KMT2C: variants seen among roughly 807,000 people sequenced by gnomAD.
KMT2C encodes lysine methyltransferase 2C.
Under a neutral mutation model 507.9 loss-of-function variants are expected in KMT2C, and 88 were observed. The observed-to-expected ratio is 0.17, with a 90% CI of 0.15 to 0.21. The LOEUF (loss-of-function observed/expected upper bound fraction) is 0.21, where lower values mean the gene tolerates loss of function less well. Among genes scored for constraint, KMT2C ranks in the 10% least tolerant of loss-of-function variants. The pLI is 1.00. For synonymous variants in KMT2C, 2,049 were observed against 2,080.8 expected, an observed-to-expected ratio of 0.98 and a Z score of 0.42; for missense variants, 4,954 against 5,957.8, an observed-to-expected ratio of 0.83 and a Z score of 5.55.
At chr7:152,390,808 A>G (rs1294385440) in intron 1 of KMT2C, among the ~76,000 whole-genome samples, 1 of 152,174 alleles carries the variant, frequency 6.6e-6, no homozygotes, top group Non-Finnish European at 1.5e-5. Flanking sequence ...CCAGATGTAT[A>G]AGATAGAGCC....
At chr7:152,274,146 TAA>T (rs2096030615) in intron 6 of KMT2C, among the ~76,000 whole-genome samples, 1 of 151,516 alleles carries the variant, frequency 6.6e-6, no homozygotes, top group Non-Finnish European at 1.5e-5. Flanking sequence ...AAACAAAACC[TAA>T]AGATTTTTTT....
intron 6 of KMT2C, among the ~76,000 whole-genome samples, chr7:152,294,752 T>G (rs2096473326): frequency 6.6e-6 from 1 of 152,234 alleles, no homozygotes; most frequent in African/African-American, 2.4e-5. Context: ...TGAGAGGCAT[T>G]TGAGATTATT....
intron 9 of KMT2C, among the ~76,000 whole-genome samples, chr7:152,253,711 G>C (rs1021987848): frequency 1.3e-5 from 2 of 151,760 alleles, no homozygotes; most frequent in African/African-American, 4.8e-5. Flanking sequence ...CACAGAGCAC[G>C]GTCAACGCCA....
chr7:152,258,679 T>C (rs201199664), intron 9 of KMT2C, among the ~76,000 whole-genome samples: 1 of 152,062 alleles, frequency 6.6e-6, no homozygotes, highest in South Asian at 2.1e-4. Context: ...GCACCCACTA[T>C]CATGCCTGGC....
intron 2 of KMT2C, among the ~76,000 whole-genome samples, chr7:152,357,999 C>T (rs2097166433): frequency 1.3e-5 from 2 of 152,254 alleles, no homozygotes; most frequent in African/African-American, 4.8e-5. Flanking sequence ...CTACAGGTAT[C>T]CTCTCAATAC....
intron 18 of KMT2C, among the ~76,000 whole-genome samples, chr7:152,225,318 G>C (rs2094894017): frequency 6.6e-6 from 1 of 151,936 alleles, no homozygotes; most frequent in South Asian, 2.1e-4. Flanking sequence ...AAGTAATGAG[G>C]GTACAGAATA....
chr7:152,285,806 G>A (rs988883526), intron 6 of KMT2C, among the ~76,000 whole-genome samples: 47 of 152,290 alleles, frequency 3.1e-4, no homozygotes, highest in Admixed American at 1.1e-3. Flanking sequence ...CCAACATGGC[G>A]AAACCCCATC....
Position 152,228,014 on chromosome 7 carries a change from G to A in KMT2C, c.2976+1909C>T, listed in dbSNP as rs62481496. Reference sequence around the variant, plus strand: ...TGGTCTAGGGAACCCCAGTGAGTCTGTAAAGTTAAAACAAGTTTAAATAAT... The same window carrying A: ...TGGTCTAGGGAACCCCAGTGAGTCTATAAAGTTAAAACAAGTTTAAATAAT... On this transcript the variant is annotated intron_variant, in intron 18 of 58. Transcript: ENST00000262189. Among the ~76,000 whole-genome samples the A allele has an allele frequency of 7.4e-3, 1,128 of 152,286 alleles. 8 individuals carry two copies. Among genetic ancestry groups the A allele is most frequent in the Non-Finnish European group, 0.012 (788 of 68,028 alleles).
At chr7:152,185,726 A>T in intron 33 of KMT2C, 95 bp from the exon 34 acceptor site, 2 of 916,432 alleles carry the variant, frequency 2.2e-6, no homozygotes, top group East Asian at 4.8e-5. Flanking sequence ...AGTTAATCTT[A>T]TTCAGGCCGT....
intron 9 of KMT2C, among the ~76,000 whole-genome samples, chr7:152,257,163 T>C (rs1338159599): frequency 6.6e-6 from 1 of 152,190 alleles, no homozygotes; most frequent in African/African-American, 2.4e-5. Flanking sequence ...AATGGAGTGC[T>C]ATGCAGCTGT....
At chr7:152,230,698 C>G (rs2129151662) in intron 16 of KMT2C, among the ~76,000 whole-genome samples, 1 of 152,306 alleles carries the variant, frequency 6.6e-6, no homozygotes. Flanking sequence ...CTAGTCTGAA[C>G]TGAGATGTCC....
intron 9 of KMT2C, among the ~76,000 whole-genome samples, chr7:152,259,484 A>G (rs1185062274): frequency 6.8e-6 from 1 of 146,686 alleles, no homozygotes; most frequent in East Asian, 2.0e-4. Context: ...ACACACACAC[A>G]CACACAGAGA....
Position 152,182,221 on chromosome 7 carries a change from T to A in KMT2C, c.5639A>T (p.Gln1880Leu). Residue 1880 changes from glutamine to leucine, a missense_variant, in exon 36 of 59, where the codon CAA becomes CTA. By Grantham distance (113) the Gln-to-Leu change is moderately radical (BLOSUM62 -2). This residue lies in a region of KMT2C where 1,689 missense variants were observed against 1,654.3 expected (regional missense o/e 1.02). Coordinates refer to ENST00000262189, the MANE Select transcript of KMT2C (RefSeq NM_170606.3). ...QAQTSQPPSPQVFSPGSSNSR... is the reference protein window; with the variant it reads ...QAQTSQPPSPLVFSPGSSNSR... Reference sequence around the variant, plus strand: ...GTTAGAGGACCCAGGTGAAAACACTTGCGGTGAGGGTGGCTGAGAAGTCTG... The same window carrying A: ...GTTAGAGGACCCAGGTGAAAACACTAGCGGTGAGGGTGGCTGAGAAGTCTG... The A allele has an allele frequency of 6.2e-7, 1 of 1,613,920 alleles. No homozygotes were observed. Among genetic ancestry groups the A allele is most frequent in the Non-Finnish European group, 8.5e-7 (1 of 1,179,966 alleles).
At chr7:152,338,938 A>G (rs1156888811) in intron 2 of KMT2C, among the ~76,000 whole-genome samples, 1 of 152,228 alleles carries the variant, frequency 6.6e-6, no homozygotes, top group Non-Finnish European at 1.5e-5. Context: ...TATGAAGTGG[A>G]CAGAACATTT....
chr7:152,191,991 T>C (rs1173503926), intron 31 of KMT2C, among the ~76,000 whole-genome samples: 3 of 150,266 alleles, frequency 2.0e-5, no homozygotes, highest in Admixed American at 6.6e-5. Context: ...CTCCTAAGGG[T>C]AGGCAACCTG....
intron 9 of KMT2C, among the ~76,000 whole-genome samples, chr7:152,260,016 A>G (rs2129170939): frequency 6.6e-6 from 1 of 152,356 alleles, no homozygotes; most frequent in Non-Finnish European, 1.5e-5. Flanking sequence ...TGTGTTAGGC[A>G]TTGTGCTGGG....
At chr7:152,226,873 G>A (rs1313085281) in intron 18 of KMT2C, among the ~76,000 whole-genome samples, 2 of 152,184 alleles carry the variant, frequency 1.3e-5, no homozygotes, top group Non-Finnish European at 2.9e-5. Context: ...ACAGGAAATG[G>A]GCCAGATTTA....
At chr7:152,156,113 G>A (rs1185166819) in intron 45 of KMT2C, 56 bp from the exon 46 acceptor site, 3 of 1,598,270 alleles carry the variant, frequency 1.9e-6, no homozygotes, top group East Asian at 4.5e-5. Context: ...TGATAAATGG[G>A]TAGAACTTTA....
chr7:152,242,055 A>G (rs2095396382), intron 14 of KMT2C, among the ~76,000 whole-genome samples: 1 of 152,198 alleles, frequency 6.6e-6, no homozygotes, highest in African/African-American at 2.4e-5. Flanking sequence ...AGCTATAATT[A>G]CCAAAGTTTA....
Sources: allele counts gnomAD v4.1 joint callset (sites outside exome capture counted in the v4.1 genomes callset), GRCh38; gene constraint gnomAD v4.1.1; regional missense constraint gnomAD v4.1.1; transcripts MANE v1.5; gene names NCBI Gene and HGNC (gene_info 2026-07-23, HGNC 2026-07-21).